STK35: variants seen among roughly 807,000 people sequenced by gnomAD.
STK35 encodes serine/threonine-protein kinase 35.
STK35 carries 17 observed loss-of-function variants against 37.3 expected under a neutral mutation model. The ratio of observed to expected loss-of-function variants is 0.46; its 90% CI spans 0.31 to 0.68. The LOEUF (loss-of-function observed/expected upper bound fraction) is 0.68, where lower values mean the gene tolerates loss of function less well. Ranked by LOEUF, STK35 falls within the 30% of genes least tolerant of loss-of-function variation. The probability of loss-of-function intolerance (pLI) is 0.05; values close to 1 mark genes in which losing one functional copy is unlikely to be tolerated. For missense variants in STK35, 595 were observed against 746.7 expected, an observed-to-expected ratio of 0.80 and a Z score of 2.37; for synonymous variants, 385 against 319.1, an observed-to-expected ratio of 1.21 and a Z score of -2.20.
rs1191698408 is a variant in STK35, at chr20:2,143,917, C to T, written c.*171C>T. 4.3e-5 allele frequency: 19 copies of T among 438,998 alleles called. 1 individual carries two copies. The highest frequency in any genetic ancestry group is 5.8e-5 in the Non-Finnish European group (13 of 222,392). The allele number at this position is 438,998 out of a possible 1,614,324, so 27.2% of individuals were successfully genotyped here. A position where few individuals can be genotyped will look rare whatever the true frequency, so the allele number is the denominator to read the frequency against. ...TGTGAAGCTTTTGTTTGGGTTTCCC[C>T]GCTTCTTTTTAGTTTTGCTTTATTT... On this transcript the variant is annotated 3_prime_UTR_variant, in exon 4 of 4. Transcript: ENST00000381482.
intron 2 of STK35, among the ~76,000 whole-genome samples, chr20:2,109,875 T>C (rs1985585676): frequency 6.6e-6 from 1 of 152,254 alleles, no homozygotes. Flanking sequence ...GGGCAGGTAG[T>C]AGAGGGAATG....
intron 3 of STK35, among the ~76,000 whole-genome samples, chr20:2,118,487 C>T (rs1405092036): frequency 6.6e-6 from 1 of 152,020 alleles, no homozygotes; most frequent in Admixed American, 6.5e-5. Context: ...GAGGCTGAGG[C>T]AGGAGAATGG....
In STK35 at chr20:2,145,552, A is replaced by T. The variant is rs1481656465; in HGVS notation, c.*1806A>T. The T allele has an allele frequency of 6.6e-6, 1 of 152,048 alleles. No individual in the cohort carries two copies. The highest frequency in any genetic ancestry group is 1.5e-5 in the Non-Finnish European group (1 of 68,024). The allele number at this position is 152,048 out of a possible 1,614,324, so 9.4% of individuals were successfully genotyped here. On this transcript the variant is annotated 3_prime_UTR_variant, in exon 4 of 4. Transcript: ENST00000381482. ...GCCTTCTGTCACCCCCCTCAACACC[A>T]AACTTTCTTCCTTGTGAGCAGAAGG...
intron 2 of STK35, 21 bp from the exon 3 acceptor site, chr20:2,116,645 T>G (rs1985722482): frequency 6.2e-7 from 1 of 1,603,080 alleles, no homozygotes; most frequent in African/African-American, 1.3e-5. Flanking sequence ...CTCAAGCTCC[T>G]TCCTGTCTTC....
At chr20:2,127,938 T>G (rs892393299) in intron 3 of STK35, among the ~76,000 whole-genome samples, 1 of 152,182 alleles carries the variant, frequency 6.6e-6, no homozygotes, top group African/African-American at 2.4e-5. Flanking sequence ...GAGGATGTCA[T>G]GAGTAAGAAG....
Position 2,104,632 on chromosome 20 carries a change from G to A in STK35, c.892+1267G>A, listed in dbSNP as rs775276118. The stretch of plus-strand genomic sequence containing the variant: ...TAGGATTTGGGGTGAGTTTGGAGGG[G>A]GTGGTTTCCCAAAATCTTGTTACTT... On this transcript the variant is annotated intron_variant, in intron 2 of 3. Coordinates refer to ENST00000381482, the MANE Select transcript of STK35 (RefSeq NM_080836.4). 1.2e-4 allele frequency among the ~76,000 whole-genome samples: 19 copies of A among 152,110 alleles called. No individual in the cohort carries two copies. In the Middle Eastern group the frequency reaches 0.01, roughly 82 times the overall value.
At chr20:2,140,164 AG>A (rs1986150687) in intron 3 of STK35, among the ~76,000 whole-genome samples, 1 of 152,194 alleles carries the variant, frequency 6.6e-6, no homozygotes, top group African/African-American at 2.4e-5. Flanking sequence ...TGTCAGTTGC[AG>A]GTTTATCACA....
intron 3 of STK35, among the ~76,000 whole-genome samples, chr20:2,128,234 A>T (rs6106265): frequency 0.16 from 24,392 of 152,206 alleles, 2,005 homozygotes; most frequent in Non-Finnish European, 0.17. Context: ...GTAAATGTGC[A>T]GTCAGCCACC....
intron 3 of STK35, among the ~76,000 whole-genome samples, chr20:2,131,312 G>T (rs1402618872): frequency 6.6e-6 from 1 of 152,118 alleles, no homozygotes; most frequent in Non-Finnish European, 1.5e-5. Flanking sequence ...TGAAAATACG[G>T]CATAAAAGGT....
chr20:2,125,516 C>T (rs1351668503), intron 3 of STK35, among the ~76,000 whole-genome samples: 1 of 152,230 alleles, frequency 6.6e-6, no homozygotes, highest in Non-Finnish European at 1.5e-5. Context: ...TCTACAGCCT[C>T]TTAAAGCCAC....
At chr20:2,121,633 G>T (rs1004917245) in intron 3 of STK35, among the ~76,000 whole-genome samples, 4 of 152,172 alleles carry the variant, frequency 2.6e-5, no homozygotes, top group African/African-American at 9.7e-5. Context: ...TTAGAGATTT[G>T]CCACAGTACT....
rs566124415 is a variant in STK35 at position 2,128,459 on chromosome 20, G to T, written c.*37+11044G>T. ...AGGACCACTGTTTTCCCTTTCCCCCGTTCCTTCTGTCCTGGCGTGTTCCTA... is the reference window on the plus strand; with the variant it reads ...AGGACCACTGTTTTCCCTTTCCCCCTTTCCTTCTGTCCTGGCGTGTTCCTA... On this transcript the variant is annotated intron_variant, in intron 3 of 3. Transcript: ENST00000381482. 1.8e-4 allele frequency among the ~76,000 whole-genome samples: 27 copies of T among 152,136 alleles called. No individual in the cohort carries two copies. In the South Asian group the frequency reaches 5.6e-3, roughly 32 times the overall value.
intron 3 of STK35, among the ~76,000 whole-genome samples, chr20:2,136,054 T>C (rs1986081406): frequency 6.6e-6 from 1 of 151,834 alleles, no homozygotes; most frequent in Admixed American, 6.5e-5. Flanking sequence ...GCTCCAGTCA[T>C]AAGTCTACTC....
At chr20:2,112,499 TG>T (rs536395391) in intron 2 of STK35, among the ~76,000 whole-genome samples, 28 of 152,246 alleles carry the variant, frequency 1.8e-4, no homozygotes, top group African/African-American at 6.5e-4. Flanking sequence ...CTGCCTCTCT[TG>T]GAAGAACACT....
At chr20:2,132,341 G>A (rs1037123376) in intron 3 of STK35, among the ~76,000 whole-genome samples, 2 of 152,250 alleles carry the variant, frequency 1.3e-5, no homozygotes. Context: ...GAACAGATTA[G>A]GATATTTGAA....
At position 2,103,338 on chromosome 20, in the gene STK35, C is replaced by T. The variant is rs757593366; in HGVS notation, c.865C>T (p.Leu289=). The T allele has an allele frequency of 1.9e-6, 3 of 1,612,542 alleles. No homozygotes were observed. The highest frequency in any genetic ancestry group is 1.7e-4 in the Middle Eastern group (1 of 6,058). Residue 289 remains leucine, a synonymous_variant, in exon 2 of 4, where the codon CTG becomes TTG. Coordinates refer to ENST00000381482, the MANE Select transcript of STK35 (RefSeq NM_080836.4). ...CGGCAACAAGAGCTCGCAGCTTTAC[C>T]TGCGCCTGGTGGAGACCTCGCTGAA... ...SHGNKSSQLY[L]RLVETSLKGE...
chr20:2,103,320 A>C lies in STK35; in HGVS notation c.847A>C (p.Lys283Gln). Residue 283 changes from lysine to glutamine, a missense_variant, in exon 2 of 4, where the codon AAG (lysine) becomes CAG (glutamine). Transcript: ENST00000381482. ...AGCCCAGCGCATGAGTCACGGCAAC[A>C]AGAGCTCGCAGCTTTACCTGCGCCT... Reference protein sequence around the residue: ...GLAQRMSHGNKSSQLYLRLVE... With the variant: ...GLAQRMSHGNQSSQLYLRLVE... 6.2e-7 allele frequency: 1 copy of C among 1,612,858 alleles called. No individual in the cohort carries two copies.
chr20:2,130,509 T>C (rs2122573916), intron 3 of STK35, among the ~76,000 whole-genome samples: 1 of 152,332 alleles, frequency 6.6e-6, no homozygotes, highest in South Asian at 2.1e-4. Flanking sequence ...TGAAAACCTG[T>C]GCGGGGTCTT....
intron 2 of STK35, 115 bp downstream of exon 2, chr20:2,103,480 C>G: frequency 1.0e-6 from 1 of 1,001,194 alleles, no homozygotes; most frequent in African/African-American, 1.6e-5. Flanking sequence ...CCCTGTCACC[C>G]TGTGCCCTGA....
Sources: gnomAD v4.1 joint callset for allele counts (sites outside exome capture counted in the v4.1 genomes callset) on GRCh38, gnomAD v4.1.1 for gene constraint, MANE v1.5 for transcripts, NCBI Gene and HGNC (gene_info 2026-07-23, HGNC 2026-07-21) for gene names.